The following PRKRIP1 variants were observed in gnomAD, a reference collection of about 807,000 sequenced individuals.
The protein encoded by PRKRIP1 is PRKR interacting protein 1, also known as PRKR-interacting protein 1.
A neutral mutation model predicts 29.3 loss-of-function variants in PRKRIP1; 29 were observed. That is an observed-to-expected ratio of 0.99 (90% CI 0.74 to 1.35). The LOEUF (loss-of-function observed/expected upper bound fraction) is 1.35. Among genes scored for constraint, PRKRIP1 ranks in the 40% most tolerant of loss-of-function variants. The pLI is 0.00. For missense variants in PRKRIP1, 247 were observed against 236.8 expected (o/e 1.04, Z -0.28); for synonymous variants, 90 against 85.1 (o/e 1.06, Z -0.32).
rs58200876 is a variant in PRKRIP1, at chr7:102,400,315, A to G, written c.306+667A>G. Among the ~76,000 whole-genome samples, 605 of 152,302 alleles carry G rather than the reference A, an allele frequency of 4.0e-3. 12 individuals carry two copies. The East Asian group carries it at 0.047, about 12-fold the overall frequency. On this transcript the variant is annotated intron_variant, in intron 3 of 5. Transcript: ENST00000397912. ...ACAGAGTGAAACTCCATCTCAAAAA[A>G]AGGAAAAAAAAAATAACACCAAGAA...
chr7:102,414,096 G>T (rs189613422), intron 5 of PRKRIP1, among the ~76,000 whole-genome samples: 34 of 152,184 alleles, frequency 2.2e-4, no homozygotes, highest in African/African-American at 7.9e-4. Context: ...GCATAATAGC[G>T]TGTACCTGTA....
At chr7:102,399,113 C>T (rs1795998095) in intron 2 of PRKRIP1, among the ~76,000 whole-genome samples, 1 of 152,102 alleles carries the variant, frequency 6.6e-6, no homozygotes, top group African/African-American at 2.4e-5. Context: ...CAGAGCAAGG[C>T]CCTGTCTCAA....
chr7:102,422,728 C>T (rs1178910393), intron 5 of PRKRIP1, among the ~76,000 whole-genome samples: 10 of 152,140 alleles, frequency 6.6e-5, no homozygotes, highest in Non-Finnish European at 1.0e-4. Flanking sequence ...CCACCTGCCT[C>T]GGTCTCCCAA....
In PRKRIP1 at chr7:102,396,535, C is replaced by A. The variant is rs782723647; in HGVS notation, c.124C>A (p.Pro42Thr). The change falls in exon 1 of 6, where the codon CCG (proline) becomes ACG (threonine). Residue 42 changes from proline (P) to threonine (T), a missense_variant and splice_region_variant. Physicochemically the swap from Pro to Thr is conservative, Grantham distance 38. Around this residue, in one of 3 missense-constraint regions of PRKRIP1, gnomAD observed 105 missense variants for 80.2 expected, o/e 1.31. Coordinates refer to ENST00000397912, the MANE Select transcript of PRKRIP1 (RefSeq NM_024653.4). The stretch of plus-strand genomic sequence containing the variant: ...CAAGCTGGAGCGGCTCATGAAGAAC[C>A]CGGTGAGACGAGGCCCAGGCTCCAC... ...KLKLERLMKN[P>T]DKAVPIPEKM... The A allele has an allele frequency of 6.2e-7, 1 of 1,607,264 alleles. No individual in the cohort carries two copies. The highest frequency in any genetic ancestry group is 1.1e-5 in the South Asian group (1 of 90,854).
chr7:102,398,279 GT>G (rs1226246730), intron 2 of PRKRIP1, among the ~76,000 whole-genome samples: 1 of 151,426 alleles, frequency 6.6e-6, no homozygotes, highest in Non-Finnish European at 1.5e-5. Context: ...TTTTGTTTTT[GT>G]TTTTGTTTTT....
At position 102,410,061 on chromosome 7, in the gene PRKRIP1, C is replaced by T. The variant is rs1554572347; in HGVS notation, c.457+2563C>T. On this transcript the variant is annotated intron_variant, in intron 5 of 5. Coordinates refer to ENST00000397912, the MANE Select transcript of PRKRIP1 (RefSeq NM_024653.4). The stretch of plus-strand genomic sequence containing the variant: ...AGATTTCCTTGAATGTCTTGAACCA[C>T]CGCATCTCCCAGTCTTTGCCTAGGA... Among the ~76,000 whole-genome samples the T allele has an allele frequency of 1.3e-5, 2 of 152,178 alleles. 1 individual carries two copies. The highest frequency in any genetic ancestry group is 4.8e-5 in the African/African-American group (2 of 41,432).
intron 5 of PRKRIP1, among the ~76,000 whole-genome samples, chr7:102,413,945 G>C (rs1796464367): frequency 6.6e-6 from 1 of 152,078 alleles, no homozygotes; most frequent in African/African-American, 2.4e-5. Flanking sequence ...ACTGGAAGGA[G>C]GGCCAGGTGC....
chr7:102,417,904 G>A (rs1211135909), intron 5 of PRKRIP1, among the ~76,000 whole-genome samples: 2 of 151,590 alleles, frequency 1.3e-5, no homozygotes, highest in Non-Finnish European at 2.9e-5. Flanking sequence ...TTACAGGCAT[G>A]AACCACCACA....
At chr7:102,405,289 G>A (rs980672669) in intron 4 of PRKRIP1, among the ~76,000 whole-genome samples, 4 of 152,092 alleles carry the variant, frequency 2.6e-5, no homozygotes, top group Non-Finnish European at 2.9e-5. Context: ...CTTAAATTAC[G>A]GTTTATGACT....
intron 5 of PRKRIP1, among the ~76,000 whole-genome samples, chr7:102,424,078 G>C (rs1796775181): frequency 6.6e-6 from 1 of 152,262 alleles, no homozygotes; most frequent in African/African-American, 2.4e-5. Context: ...CGCCGTGCGT[G>C]TTCTGTGTTC....
intron 4 of PRKRIP1, among the ~76,000 whole-genome samples, chr7:102,406,784 G>A (rs1252885401): frequency 6.6e-6 from 1 of 150,714 alleles, no homozygotes; most frequent in Admixed American, 6.7e-5. Flanking sequence ...GACCCATTTT[G>A]AATTTGAATA....
At chr7:102,403,879 G>A (rs1435969268) in intron 3 of PRKRIP1, among the ~76,000 whole-genome samples, 1 of 152,184 alleles carries the variant, frequency 6.6e-6, no homozygotes, top group African/African-American at 2.4e-5. Context: ...TTTAGAATCA[G>A]TCATTTGGTG....
intron 3 of PRKRIP1, among the ~76,000 whole-genome samples, chr7:102,402,806 C>T (rs944367741): frequency 7.2e-5 from 11 of 152,138 alleles, no homozygotes; most frequent in Admixed American, 7.2e-4. Flanking sequence ...GGTGCGGCAG[C>T]CAGCGGGGGC....
In PRKRIP1 at chr7:102,421,977, G is replaced by A. The variant is rs544651632; in HGVS notation, c.458-3037G>A. ...TGAATGGCCCGTCATATTTATTACC[G>A]TTAAGCACTTATGTGTGAATAAGTG... On this transcript the variant is annotated intron_variant, in intron 5 of 5. Transcript: ENST00000397912. Among the ~76,000 whole-genome samples, 122 of 151,954 alleles carry A rather than the reference G, an allele frequency of 8.0e-4. 1 individual carries two copies. Among genetic ancestry groups the A allele is most frequent in the African/African-American group, 2.6e-3 (108 of 41,432 alleles).
intron 3 of PRKRIP1, among the ~76,000 whole-genome samples, chr7:102,402,885 C>G (rs76139046): frequency 6.8e-6 from 1 of 147,524 alleles, no homozygotes; most frequent in Non-Finnish European, 1.5e-5. Context: ...CACGGCTCAG[C>G]TTTTTTTTTT....
chr7:102,407,029 A>G (rs910659406), intron 4 of PRKRIP1, among the ~76,000 whole-genome samples: 2 of 152,044 alleles, frequency 1.3e-5, no homozygotes, highest in Non-Finnish European at 2.9e-5. Context: ...CCTGGCTAAC[A>G]CAGAGAAACC....
At chr7:102,408,099 C>T (rs994826394) in intron 5 of PRKRIP1, among the ~76,000 whole-genome samples, 3 of 152,108 alleles carry the variant, frequency 2.0e-5, no homozygotes, top group Non-Finnish European at 4.4e-5. Context: ...AGGCTGGCTC[C>T]CCCGCACGTT....
At chr7:102,420,880 C>T (rs1796675876) in intron 5 of PRKRIP1, among the ~76,000 whole-genome samples, 1 of 152,108 alleles carries the variant, frequency 6.6e-6, no homozygotes, top group Non-Finnish European at 1.5e-5. Flanking sequence ...GGACAGAAGA[C>T]CCTCCCAGCC....
intron 5 of PRKRIP1, among the ~76,000 whole-genome samples, chr7:102,422,147 A>ATTATTG (rs1554573827): frequency 7.6e-6 from 1 of 132,298 alleles, no homozygotes; most frequent in African/African-American, 3.1e-5. Flanking sequence ...ACACAAAATT[A>ATTATTG]TTATTATTAT....
Sources: gnomAD v4.1 joint callset for allele counts (sites outside exome capture counted in the v4.1 genomes callset) on GRCh38, gnomAD v4.1.1 for gene constraint, gnomAD v4.1.1 regional missense constraint, MANE v1.5 for transcripts, NCBI Gene and HGNC (gene_info 2026-07-23, HGNC 2026-07-21) for gene names.